The following BTNL8 variants were observed in gnomAD, a reference collection of about 807,000 sequenced individuals.
BTNL8 encodes butyrophilin like 8, also known as butyrophilin-like protein 8.
In BTNL8, 22 loss-of-function variants were observed where a neutral mutation model predicts 36.1. The ratio of observed to expected loss-of-function variants is 0.61; its 90% confidence interval spans 0.44 to 0.87. The LOEUF (loss-of-function observed/expected upper bound fraction) is 0.87. Among genes scored for constraint, BTNL8 ranks in the 40% least tolerant of loss-of-function variants. The pLI is 0.00. For missense variants in BTNL8, 526 were observed against 616.9 expected (o/e 0.85, Z 1.56); for synonymous variants, 203 against 235.6 (o/e 0.86, Z 1.27).
At chr5:180,901,470 A>T (rs1265646855) in intron 1 of BTNL8, among the ~76,000 whole-genome samples, 1 of 152,162 alleles carries the variant, frequency 6.6e-6, no homozygotes, top group Non-Finnish European at 1.5e-5. Flanking sequence ...ACACCAGGAA[A>T]ATTACTCAAA....
chr5:180,937,978 A>G (rs905465199), intron 3 of BTNL8, among the ~76,000 whole-genome samples: 8 of 152,072 alleles, frequency 5.3e-5, no homozygotes, highest in Non-Finnish European at 7.4e-5. Context: ...AGAGACAGAT[A>G]CTACAAAACA....
intron 3 of BTNL8, among the ~76,000 whole-genome samples, chr5:180,937,268 G>A (rs1758697609): frequency 6.6e-6 from 1 of 152,190 alleles, no homozygotes; most frequent in Non-Finnish European, 1.5e-5. Context: ...GAGCTGTCAT[G>A]TTTGGTGTGC....
At chr5:180,903,398 G>C (rs1285936193) in intron 1 of BTNL8, among the ~76,000 whole-genome samples, 5 of 91,218 alleles carry the variant, frequency 5.5e-5, no homozygotes, top group African/African-American at 1.3e-4. Context: ...AAATTTGTTT[G>C]AGTTCATTGT....
chr5:180,933,551 G>T (rs991535984), intron 3 of BTNL8, among the ~76,000 whole-genome samples: 1 of 151,980 alleles, frequency 6.6e-6, no homozygotes, highest in East Asian at 1.9e-4. Context: ...CCATCGGGTC[G>T]CAGGAAAAAA....
Position 180,911,473 on chromosome 5 carries a change from G to C in BTNL8, c.532G>C (p.Asp178His). ...TCCACAAGGACAGGATTTGTCCACA[G>C]ACTCCAGGACAAACAGAGACATGCA... ...KGPQGQDLST[D>H]SRTNRDMHGL... Residue 178 changes from aspartate (D) to histidine (H), a missense_variant, in exon 3 of 8, where the codon GAC (aspartate) becomes CAC (histidine). Physicochemically the swap from Asp to His is moderately conservative, Grantham distance 81 (BLOSUM62 -1). Transcript: ENST00000340184. The C allele has an allele frequency of 6.2e-7, 1 of 1,614,200 alleles. No individual in the cohort carries two copies. The highest frequency in any genetic ancestry group is 8.5e-7 in the Non-Finnish European group (1 of 1,180,028).
chr5:180,899,485 C>G lies in BTNL8; in HGVS notation c.49+126C>G, dbSNP rs549814124. The stretch of plus-strand genomic sequence containing the variant: ...TTCCTTTGGCTTCTCCTAGCCTCAG[C>G]CTGGGGAAGGATCAGGCGCTGTGGA... On this transcript the variant is annotated intron_variant, in intron 1 of 7. Coordinates refer to ENST00000340184, the MANE Select transcript of BTNL8 (RefSeq NM_001040462.3). 4.6e-5 allele frequency: 51 copies of G among 1,102,342 alleles called. No homozygotes were observed. The African/African-American group carries it at 6.2e-4, about 13-fold the overall frequency. 68.3% of individuals were successfully genotyped at this position (1,102,342 alleles called of 1,614,324 possible).
chr5:180,935,614 C>T lies in BTNL8; in HGVS notation c.674-11898C>T, dbSNP rs6888618. ...GGGGCAGAGAGGGTTTCCAGGGCCC[C>T]GAGAGCACAGTGATGCCTGGGTCTG... On this transcript the variant is annotated intron_variant, in intron 3 of 7. Transcript: ENST00000340184. The surrounding 1 kb of genome is among the most constrained non-coding windows in gnomAD (Gnocchi z 4.8). Among the ~76,000 whole-genome samples, 28,812 of 152,182 alleles carry T rather than the reference C, an allele frequency of 0.19. 4,646 individuals are homozygous for T. The highest frequency in any genetic ancestry group is 0.44 in the African/African-American group (18,424 of 41,480).
Position 180,911,551 on chromosome 5 carries a change from A to G in BTNL8, c.610A>G (p.Ile204Val), listed in dbSNP as rs769831495. The G allele has an allele frequency of 3.7e-6, 6 of 1,613,976 alleles. No individual in the cohort carries two copies. In the East Asian group the frequency reaches 8.9e-5, roughly 24 times the overall value. ...SLTVQENAGS[I>V]SCSMRHAHLS... ...GACCGTCCAAGAGAACGCCGGGAGCATATCCTGTTCCATGCGGCATGCTCA... is the reference window on the plus strand; with the variant it reads ...GACCGTCCAAGAGAACGCCGGGAGCGTATCCTGTTCCATGCGGCATGCTCA... Residue 204 changes from isoleucine to valine, a missense_variant, in exon 3 of 8, where the codon ATA (isoleucine) becomes GTA (valine). Around this residue, in one of 2 missense-constraint regions of BTNL8, gnomAD observed 350 missense variants for 324.6 expected, o/e 1.08. Coordinates refer to ENST00000340184, the MANE Select transcript of BTNL8 (RefSeq NM_001040462.3).
At position 180,935,172 on chromosome 5, in the gene BTNL8, C is replaced by T. The variant is rs1582050832; in HGVS notation, c.674-12340C>T. 6.6e-6 allele frequency among the ~76,000 whole-genome samples: 1 copy of T among 152,142 alleles called. No homozygotes were observed. The highest frequency in any genetic ancestry group is 1.5e-5 in the Non-Finnish European group (1 of 68,014). On this transcript the variant is annotated intron_variant, in intron 3 of 7. Transcript: ENST00000340184. This position sits in a 1 kb window ranked among gnomAD's most constrained non-coding sequence, Gnocchi z 4.8. ...GGCCATGGGTGGCTGGGAAAAAGCA[C>T]CATAAATTCTGACTCCAGGCAGTGG...
intron 3 of BTNL8, among the ~76,000 whole-genome samples, chr5:180,930,245 G>A (rs935621149): frequency 3.3e-5 from 5 of 152,204 alleles, no homozygotes; most frequent in Non-Finnish European, 5.9e-5. Flanking sequence ...AAAGGCCTTC[G>A]ATAAAATTAA....
intron 2 of BTNL8, chr5:180,909,502 G>A: frequency 2.0e-6 from 2 of 982,278 alleles, no homozygotes; most frequent in Non-Finnish European, 2.4e-6. Flanking sequence ...GCTCCAGGAA[G>A]CTGTGACTTC....
chr5:180,939,142 C>T (rs1165924081), intron 3 of BTNL8, among the ~76,000 whole-genome samples: 1 of 152,000 alleles, frequency 6.6e-6, no homozygotes, highest in Non-Finnish European at 1.5e-5. Context: ...CTTGGATATA[C>T]AAAATAATGA....
At chr5:180,934,834 G>A (rs1758568143) in intron 3 of BTNL8, among the ~76,000 whole-genome samples, 1 of 152,184 alleles carries the variant, frequency 6.6e-6, no homozygotes, top group South Asian at 2.1e-4. Context: ...ATTGCAAACA[G>A]GGCGGTGTGT....
At chr5:180,938,237 A>G (rs1443350781) in intron 3 of BTNL8, among the ~76,000 whole-genome samples, 1 of 152,202 alleles carries the variant, frequency 6.6e-6, no homozygotes, top group Non-Finnish European at 1.5e-5. Context: ...AAAAATTTTC[A>G]TATTATGTGA....
chr5:180,908,308 A>G (rs892420059), intron 1 of BTNL8, among the ~76,000 whole-genome samples: 5 of 152,134 alleles, frequency 3.3e-5, no homozygotes, highest in African/African-American at 1.2e-4. Context: ...TTTGACTCGG[A>G]AAGGGAACTC....
intron 3 of BTNL8, among the ~76,000 whole-genome samples, chr5:180,928,894 A>G (rs558482279): frequency 6.6e-6 from 1 of 152,348 alleles, no homozygotes; most frequent in South Asian, 2.1e-4. Flanking sequence ...TGTCAGTATT[A>G]GACAGATCAA....
intron 3 of BTNL8, among the ~76,000 whole-genome samples, chr5:180,939,308 G>C (rs1312140477): frequency 6.6e-6 from 1 of 151,844 alleles, no homozygotes; most frequent in African/African-American, 2.4e-5. Context: ...GTGCCCAGAA[G>C]AAACTCACTT....
At chr5:180,945,957 A>G (rs879162844) in intron 3 of BTNL8, 1 of 186,568 alleles carries the variant, frequency 5.4e-6, no homozygotes, top group African/African-American at 2.3e-5. Context: ...ATGAAAAACC[A>G]TGATAGCTCT....
intron 3 of BTNL8, among the ~76,000 whole-genome samples, chr5:180,932,358 T>G (rs184060040): frequency 4.6e-5 from 7 of 152,292 alleles, no homozygotes; most frequent in Non-Finnish European, 7.4e-5. Context: ...AGTATAATTA[T>G]TTTTTTCAGA....
Sources: allele counts gnomAD v4.1 joint callset (sites outside exome capture counted in the v4.1 genomes callset), GRCh38; gene constraint gnomAD v4.1.1; regional missense constraint gnomAD v4.1.1; non-coding constraint Gnocchi (gnomAD v3.1); transcripts MANE v1.5; gene names NCBI Gene and HGNC (gene_info 2026-07-23, HGNC 2026-07-21).